PDZRN3: variants seen among roughly 807,000 people sequenced by gnomAD.
PDZRN3 encodes the protein PDZ domain containing ring finger 3.
In PDZRN3, 38 loss-of-function variants were observed where a neutral mutation model predicts 85.7. The observed-to-expected ratio is 0.44, with a 90% CI of 0.34 to 0.58. The LOEUF is 0.58. Ranked by LOEUF, PDZRN3 falls within the 20% of genes least tolerant of loss-of-function variation. PDZRN3 has a pLI of 0.01. For missense variants in PDZRN3, 1,629 were observed against 1,506.4 expected (o/e 1.08, Z -1.35); for synonymous variants, 759 against 638.0 (o/e 1.19, Z -2.86).
At chr3:73,575,074 G>A (rs1357662814) in intron 3 of PDZRN3, among the ~76,000 whole-genome samples, 1 of 152,136 alleles carries the variant, frequency 6.6e-6, no homozygotes, top group African/African-American at 2.4e-5. Context: ...AAGCTCTAAA[G>A]GACTTCATGT....
intron 3 of PDZRN3, among the ~76,000 whole-genome samples, chr3:73,477,939 T>G (rs570996935): frequency 1.3e-5 from 2 of 152,246 alleles, no homozygotes; most frequent in South Asian, 4.1e-4. Flanking sequence ...GTGAGACTTA[T>G]TCATTATCAT....
intron 3 of PDZRN3, among the ~76,000 whole-genome samples, chr3:73,521,988 T>C (rs1249675327): frequency 6.6e-6 from 1 of 152,342 alleles, no homozygotes; most frequent in Admixed American, 6.5e-5. Context: ...GCTGTTTCTG[T>C]AAGGCTTATA....
chr3:73,586,373 T>G (rs1702277361), intron 3 of PDZRN3, among the ~76,000 whole-genome samples: 1 of 152,242 alleles, frequency 6.6e-6, no homozygotes, highest in Non-Finnish European at 1.5e-5. Context: ...CCCTGAATAC[T>G]TCTAATGTTA....
intron 3 of PDZRN3, chr3:73,404,642 G>T: frequency 2.2e-6 from 1 of 452,280 alleles, no homozygotes; most frequent in Non-Finnish European, 3.9e-6. Context: ...GCTTCCCCGT[G>T]GAATGTCTTT....
chr3:73,594,956 T>G (rs191622615), intron 3 of PDZRN3, among the ~76,000 whole-genome samples: 1 of 152,138 alleles, frequency 6.6e-6, no homozygotes, highest in South Asian at 2.1e-4. Flanking sequence ...TATCCAGAGA[T>G]AGCAAATACA....
At chr3:73,479,134 G>T (rs1040643504) in intron 3 of PDZRN3, among the ~76,000 whole-genome samples, 7 of 152,120 alleles carry the variant, frequency 4.6e-5, no homozygotes, top group African/African-American at 1.4e-4. Flanking sequence ...AGCTTAGACT[G>T]CTTGAAAAAG....
rs1400055374 is a variant in PDZRN3, at chr3:73,624,938, G to C, written c.-113C>G. The C allele has an allele frequency of 2.5e-6, 2 of 798,074 alleles. No homozygotes were observed. Among genetic ancestry groups the C allele is most frequent in the South Asian group, 1.1e-4 (2 of 18,202 alleles). The allele number at this position is 798,074 out of a possible 1,614,324, so 49.4% of individuals were successfully genotyped here. A position where few individuals can be genotyped will look rare whatever the true frequency, so the allele number is the denominator to read the frequency against. On this transcript the variant is annotated 5_prime_UTR_variant, in exon 1 of 10. Transcript: ENST00000263666. The stretch of plus-strand genomic sequence containing the variant: ...CCCGCGCGCTCGCTGGCTCTCCCCG[G>C]ACTGAGCCTAATTGATCCAGACTTC...
intron 3 of PDZRN3, among the ~76,000 whole-genome samples, chr3:73,489,376 C>A (rs1250470255): frequency 6.6e-6 from 1 of 152,014 alleles, no homozygotes; most frequent in Non-Finnish European, 1.5e-5. Context: ...TGTGGCTGAT[C>A]CTGTTTAGCA....
At chr3:73,557,331 T>C (rs1465537557) in intron 3 of PDZRN3, among the ~76,000 whole-genome samples, 1 of 152,232 alleles carries the variant, frequency 6.6e-6, no homozygotes, top group Non-Finnish European at 1.5e-5. Context: ...GGGTGTGTCA[T>C]ATTAGAGACA....
intron 5 of PDZRN3, among the ~76,000 whole-genome samples, chr3:73,396,783 A>G (rs1701646465): frequency 6.6e-6 from 1 of 152,210 alleles, no homozygotes; most frequent in South Asian, 2.1e-4. Context: ...AACAATAGAC[A>G]AAAGGAAAAG....
intron 4 of PDZRN3, chr3:73,402,433 G>T (rs1320930766): frequency 6.6e-6 from 1 of 152,290 alleles, no homozygotes; most frequent in Non-Finnish European, 1.5e-5. Flanking sequence ...GGGAGTCGGG[G>T]TCTGACTGAC....
Position 73,383,267 on chromosome 3 carries a change from A to ACTTAT in PDZRN3, c.*93_*97dup, listed in dbSNP as rs1479581980. ...TTTGGACTATAAACATGAAGACCGT[A>ACTTAT]CTTATCTTATATACAAAAACTTGCC... is the stretch of plus-strand genomic sequence containing the variant. On this transcript the variant is annotated 3_prime_UTR_variant, in exon 10 of 10. Transcript: ENST00000263666. The ACTTAT allele has an allele frequency of 1.8e-6, 2 of 1,136,840 alleles. No homozygotes were observed. The highest frequency in any genetic ancestry group is 1.5e-5 in the South Asian group (1 of 66,224). The allele number at this position is 1,136,840 out of a possible 1,614,324, so 70.4% of individuals were successfully genotyped here.
rs182748023 is a variant in PDZRN3, at chr3:73,436,221, G to A, written c.919-31826C>T. 1.6e-4 allele frequency among the ~76,000 whole-genome samples: 24 copies of A among 152,276 alleles called. 1 individual carries two copies. In the East Asian group the frequency reaches 4.1e-3, roughly 26 times the overall value. On this transcript the variant is annotated intron_variant, in intron 3 of 9. Transcript: ENST00000263666. ...TCAGTAATGATTCTGTTCACTTAAC[G>A]CTTATGTGTTTGCTGACTGTTTCCT...
intron 3 of PDZRN3, among the ~76,000 whole-genome samples, chr3:73,454,162 A>G (rs201592053): frequency 6.6e-6 from 1 of 152,288 alleles, no homozygotes; most frequent in East Asian, 1.9e-4. Flanking sequence ...GCAGGAGAGG[A>G]GGCCTGGGAT....
intron 2 of PDZRN3, among the ~76,000 whole-genome samples, chr3:73,606,114 C>T (rs1702596198): frequency 6.6e-6 from 1 of 152,200 alleles, no homozygotes; most frequent in Non-Finnish European, 1.5e-5. Flanking sequence ...TGAGCAATTT[C>T]CAACAGTAGG....
rs267599931 is a variant in PDZRN3 at position 73,384,123 on chromosome 3, G to A, written c.2443C>T (p.Pro815Ser). The change falls in exon 10 of 10, where the codon CCC becomes TCC. Residue 815 changes from proline (P) to serine (S), a missense_variant. By Grantham distance (74) the Pro-to-Ser change is moderately conservative (BLOSUM62 -1). Coordinates refer to ENST00000263666, the MANE Select transcript of PDZRN3 (RefSeq NM_015009.3). ...SKNLLSITED[P>S]EVGTPTYSPS... is the part of the protein sequence containing the mutation. ...CTATAGGTAGGGGTGCCCACTTCGG[G>A]ATCTTCCGTGATGGAGAGCAGATTC... 1 of 1,614,046 alleles carries A rather than the reference G, an allele frequency of 6.2e-7. No homozygotes were observed. The highest frequency in any genetic ancestry group is 8.5e-7 in the Non-Finnish European group (1 of 1,180,010).
intron 3 of PDZRN3, among the ~76,000 whole-genome samples, chr3:73,567,583 C>A (rs1160885801): frequency 6.6e-6 from 1 of 152,098 alleles, no homozygotes; most frequent in Non-Finnish European, 1.5e-5. Context: ...AAAACTCCCC[C>A]AAAAGCAAGT....
At chr3:73,445,584 C>T (rs1702730522) in intron 3 of PDZRN3, among the ~76,000 whole-genome samples, 1 of 152,170 alleles carries the variant, frequency 6.6e-6, no homozygotes, top group African/African-American at 2.4e-5. Flanking sequence ...TAAAACAGTA[C>T]TTCAGAGAAT....
At chr3:73,552,791 G>T (rs1037915444) in intron 3 of PDZRN3, among the ~76,000 whole-genome samples, 1 of 152,172 alleles carries the variant, frequency 6.6e-6, no homozygotes, top group African/African-American at 2.4e-5. Flanking sequence ...TGCCCAAATA[G>T]GTATTTGGAA....
Sources: allele counts gnomAD v4.1 joint callset (sites outside exome capture counted in the v4.1 genomes callset), GRCh38; gene constraint gnomAD v4.1.1; transcripts MANE v1.5; gene names NCBI Gene and HGNC (gene_info 2026-07-23, HGNC 2026-07-21).